The following IKBKB variants were observed in gnomAD, a reference collection of about 807,000 sequenced individuals.
IKBKB encodes the protein inhibitor of nuclear factor kappa-B kinase subunit beta.
A neutral mutation model predicts 113.6 loss-of-function variants in IKBKB; 42 were observed. The observed-to-expected ratio is 0.37, with a 90% CI of 0.29 to 0.48. IKBKB has a LOEUF of 0.48. Ranked by LOEUF, IKBKB falls within the 20% of genes least tolerant of loss-of-function variation. The pLI, the probability that IKBKB is intolerant of heterozygous loss-of-function variation, is 0.99. For synonymous variants in IKBKB, 296 were observed against 361.3 expected, an observed-to-expected ratio of 0.82 and a Z score of 2.05; for missense variants, 673 against 939.7, an observed-to-expected ratio of 0.72 and a Z score of 3.71.
chr8:42,305,570 T>TC (rs1256350907), intron 6 of IKBKB, among the ~76,000 whole-genome samples: 2 of 150,524 alleles, frequency 1.3e-5, no homozygotes, highest in East Asian at 3.9e-4. Flanking sequence ...TTCTTGGAAG[T>TC]CGACTTTTTG....
intron 2 of IKBKB, among the ~76,000 whole-genome samples, chr8:42,288,401 AAAGAG>A (rs1323668947): frequency 1.2e-4 from 18 of 151,734 alleles, no homozygotes; most frequent in Middle Eastern, 3.2e-3. Flanking sequence ...AAAAAAAAAA[AAAGAG>A]AGAGAAAGAA....
chr8:42,285,020 C>G lies in IKBKB; in HGVS notation c.106-3614C>G, dbSNP rs540975286. Among the ~76,000 whole-genome samples, 63 of 152,002 alleles carry G rather than the reference C, an allele frequency of 4.1e-4. 1 individual carries two copies. The highest frequency in any genetic ancestry group is 1.4e-3 in the African/African-American group (59 of 41,476). On this transcript the variant is annotated intron_variant, in intron 2 of 21. Transcript: ENST00000520810. The stretch of plus-strand genomic sequence containing the variant: ...TACAGGCACCCACCATTGCACCCAG[C>G]TAATTTTTTATTTTTAGTAGAGATG...
At chr8:42,302,276 CATT>C (rs1173974389) in intron 5 of IKBKB, among the ~76,000 whole-genome samples, 1 of 152,164 alleles carries the variant, frequency 6.6e-6, no homozygotes, top group Non-Finnish European at 1.5e-5. Flanking sequence ...GGTCTTGAAA[CATT>C]AACACAATTG....
At chr8:42,291,570 G>T (rs73622141) in intron 4 of IKBKB, among the ~76,000 whole-genome samples, 15,712 of 152,242 alleles carry the variant, frequency 0.1, 1,430 homozygotes, top group African/African-American at 0.23. Context: ...GTGGGGGCGG[G>T]AGCCCAGGCG....
chr8:42,306,489 G>C (rs1816550160), intron 7 of IKBKB, 57 bp downstream of exon 7: 1 of 1,171,704 alleles, frequency 8.5e-7, no homozygotes, highest in Non-Finnish European at 1.3e-6. Context: ...CTGCATTTGT[G>C]GGGCTCCTGT....
chr8:42,288,341 T>G (rs553208994), intron 2 of IKBKB, among the ~76,000 whole-genome samples: 4 of 151,468 alleles, frequency 2.6e-5, no homozygotes, highest in Non-Finnish European at 5.9e-5. Flanking sequence ...GAGCTGAGAT[T>G]GTGCCAGTGC....
At position 42,327,806 on chromosome 8, in the gene IKBKB, A is replaced by ATTTTTTTTTTTTTTTTTTT. The variant is rs1285987849; in HGVS notation, c.2115-1303_2115-1302insTTTTTTTTTTTTTTTTTTT. Among the ~76,000 whole-genome samples, 2 of 14,662 alleles carry ATTTTTTTTTTTTTTTTTTT rather than the reference A, an allele frequency of 1.4e-4. 1 individual carries two copies. The highest frequency in any genetic ancestry group is 2.5e-4 in the African/African-American group (2 of 7,884). 9.6% of individuals were successfully genotyped at this position (14,662 alleles called of 152,430 possible). A position where few individuals can be genotyped will look rare whatever the true frequency, so the allele number is the denominator to read the frequency against. On this transcript the variant is annotated intron_variant, in intron 20 of 21. Transcript: ENST00000520810. ...AGCCACCAGGCCTGGCTAATTTTGT[A>ATTTTTTTTTTTTTTTTTTT]TTTTTTTTTTTTTTTGAGACGGAGT...
intron 8 of IKBKB, 60 bp downstream of exon 8, chr8:42,309,085 G>A (rs1817162841): frequency 3.2e-6 from 5 of 1,547,398 alleles, no homozygotes; most frequent in Admixed American, 1.8e-5. Flanking sequence ...TTCTCTTCAC[G>A]TACCCTGTTT....
chr8:42,274,115 C>T (rs1221371487), intron 2 of IKBKB, among the ~76,000 whole-genome samples: 1 of 151,844 alleles, frequency 6.6e-6, no homozygotes, highest in Non-Finnish European at 1.5e-5. Context: ...ACTGCAACCT[C>T]CGCCTCTTGA....
At chr8:42,272,792 A>T (rs962393126) in intron 2 of IKBKB, among the ~76,000 whole-genome samples, 31 of 152,038 alleles carry the variant, frequency 2.0e-4, no homozygotes, top group Admixed American at 1.4e-3. Flanking sequence ...ACAAAGAATT[A>T]GCCAGGCTTG....
intron 2 of IKBKB, among the ~76,000 whole-genome samples, chr8:42,286,539 T>TG (rs1232465737): frequency 6.6e-6 from 1 of 152,120 alleles, no homozygotes; most frequent in Non-Finnish European, 1.5e-5. Context: ...TGCCCAGATC[T>TG]CCTGCAACCT....
chr8:42,324,108 T>A (rs566633681), intron 19 of IKBKB, among the ~76,000 whole-genome samples: 441 of 151,722 alleles, frequency 2.9e-3, no homozygotes, highest in Non-Finnish European at 4.4e-3. Flanking sequence ...AGCTGAAGAG[T>A]GAGGATGTTC....
chr8:42,278,403 T>C (rs555971156), intron 2 of IKBKB, among the ~76,000 whole-genome samples: 2 of 152,048 alleles, frequency 1.3e-5, no homozygotes, highest in Non-Finnish European at 2.9e-5. Flanking sequence ...GCTGTGCCCA[T>C]GGGGACAGAT....
intron 5 of IKBKB, chr8:42,298,009 G>T (rs953585447): frequency 1.3e-6 from 1 of 790,498 alleles, no homozygotes; most frequent in Non-Finnish European, 1.5e-6. Context: ...GGAGACCTGG[G>T]ACCCATGTGG....
At position 42,271,422 on chromosome 8, in the gene IKBKB, T is replaced by G; in HGVS notation, c.-66T>G. ...CGGGTTTGGCCGCCCCAGCCCCGCC[T>G]TCCCCGCCCCGGGGAGCCCGCCCCC... On this transcript the variant is annotated 5_prime_UTR_variant, in exon 1 of 22. Coordinates refer to ENST00000520810, the MANE Select transcript of IKBKB (RefSeq NM_001556.3). 2 of 1,373,414 alleles carry G rather than the reference T, an allele frequency of 1.5e-6. No individual in the cohort carries two copies. The highest frequency in any genetic ancestry group is 2.0e-6 in the Non-Finnish European group (2 of 1,013,586). The allele number at this position is 1,373,414 out of a possible 1,614,324, so 85.1% of individuals were successfully genotyped here. A position where few individuals can be genotyped will look rare whatever the true frequency, so the allele number is the denominator to read the frequency against.
chr8:42,296,401 G>A (rs1238854103), intron 5 of IKBKB, among the ~76,000 whole-genome samples: 1 of 152,240 alleles, frequency 6.6e-6, no homozygotes, highest in African/African-American at 2.4e-5. Flanking sequence ...GGAGGCCGAG[G>A]TGGGCAGATC....
intron 5 of IKBKB, among the ~76,000 whole-genome samples, chr8:42,294,254 A>G (rs371059039): frequency 6.6e-6 from 1 of 152,258 alleles, no homozygotes; most frequent in African/African-American, 2.4e-5. Context: ...CTTTGCCTCC[A>G]GATTTGGAGA....
chr8:42,292,955 T>C, intron 4 of IKBKB, among the ~76,000 whole-genome samples: 1 of 152,144 alleles, frequency 6.6e-6, no homozygotes, highest in African/African-American at 2.4e-5. Flanking sequence ...AGCTAATCTG[T>C]GCAGAGCTCT....
intron 2 of IKBKB, among the ~76,000 whole-genome samples, chr8:42,275,915 C>T (rs975246312): frequency 2.6e-5 from 4 of 152,088 alleles, no homozygotes; most frequent in Non-Finnish European, 4.4e-5. Flanking sequence ...GATCTCAGCT[C>T]ACTGCAACCT....
Sources: gnomAD v4.1 joint callset for allele counts (sites outside exome capture counted in the v4.1 genomes callset) on GRCh38, gnomAD v4.1.1 for gene constraint, MANE v1.5 for transcripts, NCBI Gene and HGNC (gene_info 2026-07-23, HGNC 2026-07-21) for gene names.